HDAC9: variants seen among roughly 807,000 people sequenced by gnomAD.
The protein encoded by HDAC9 is MEF-2 interacting transcription repressor (MITR) protein.
HDAC9 carries 41 observed loss-of-function variants against 139.4 expected under a neutral mutation model. The ratio of observed to expected loss-of-function variants is 0.29; its 90% CI spans 0.23 to 0.38. The LOEUF (loss-of-function observed/expected upper bound fraction) is 0.38, where lower values mean the gene tolerates loss of function less well. HDAC9 is among the 10% of genes least tolerant of loss of function. The probability of loss-of-function intolerance (pLI) is 1.00; values close to 1 mark genes in which losing one functional copy is unlikely to be tolerated. For missense variants in HDAC9, 1,147 were observed against 1,297.0 expected, an observed-to-expected ratio of 0.88 and a Z score of 1.78; for synonymous variants, 517 against 476.2, an observed-to-expected ratio of 1.09 and a Z score of -1.12.
chr7:18,876,656 A>AT (rs1052080973), intron 22 of HDAC9, among the ~76,000 whole-genome samples: 2 of 151,526 alleles, frequency 1.3e-5, no homozygotes, highest in East Asian at 1.9e-4. Flanking sequence ...CATTTTCTGT[A>AT]TTTTTTCCAT....
chr7:18,240,015 T>A (rs890512316), intron 2 of HDAC9, among the ~76,000 whole-genome samples: 5 of 150,464 alleles, frequency 3.3e-5, no homozygotes, highest in African/African-American at 1.2e-4. Flanking sequence ...AAAACTTCGG[T>A]GTTTCTAAAG....
chr7:18,615,924 TGC>T, intron 6 of HDAC9, among the ~76,000 whole-genome samples: 1 of 152,222 alleles, frequency 6.6e-6, no homozygotes, highest in Non-Finnish European at 1.5e-5. Context: ...AAAATGGCTT[TGC>T]CTGGGCTAAA....
chr7:18,143,647 G>C (rs540442285), intron 1 of HDAC9, among the ~76,000 whole-genome samples: 4 of 152,114 alleles, frequency 2.6e-5, no homozygotes, highest in Admixed American at 6.5e-5. Context: ...TTAGCTAGGC[G>C]TGGTGGCGGG....
intron 2 of HDAC9, among the ~76,000 whole-genome samples, chr7:18,195,365 T>C (rs1790651379): frequency 6.6e-6 from 1 of 152,184 alleles, no homozygotes; most frequent in Non-Finnish European, 1.5e-5. Context: ...CTATCACCTT[T>C]AATGGGGTCT....
At chr7:18,932,522 A>G (rs1316088631) in intron 22 of HDAC9, among the ~76,000 whole-genome samples, 1 of 152,164 alleles carries the variant, frequency 6.6e-6, no homozygotes, top group Non-Finnish European at 1.5e-5. Context: ...TCTATACCAA[A>G]ATCTCCAATC....
At chr7:18,808,089 G>T (rs569821884) in intron 17 of HDAC9, 51 of 152,274 alleles carry the variant, frequency 3.3e-4, no homozygotes, top group African/African-American at 1.2e-3. Flanking sequence ...AGCTACTTGT[G>T]TACCCTTGAT....
chr7:18,439,085 CA>C (rs1791501833), intron 1 of HDAC9, among the ~76,000 whole-genome samples: 1 of 152,126 alleles, frequency 6.6e-6, no homozygotes, highest in Non-Finnish European at 1.5e-5. Context: ...TCCACTTAAG[CA>C]GTTAATTTAT....
chr7:18,302,497 C>A (rs759278964), intron 1 of HDAC9, among the ~76,000 whole-genome samples: 7 of 152,180 alleles, frequency 4.6e-5, no homozygotes, highest in Non-Finnish European at 1.0e-4. Flanking sequence ...TATTAGCTAC[C>A]TCAGTGATAT....
At chr7:18,298,280 G>GTTTTTT (rs869168141) in intron 1 of HDAC9, among the ~76,000 whole-genome samples, 1 of 144,708 alleles carries the variant, frequency 6.9e-6, no homozygotes, top group Non-Finnish European at 1.5e-5. Flanking sequence ...ACATTTTTAT[G>GTTTTTT]TTTTTTTTTT....
chr7:18,165,465 A>G (rs1787939152), intron 2 of HDAC9, among the ~76,000 whole-genome samples: 1 of 152,178 alleles, frequency 6.6e-6, no homozygotes, highest in Non-Finnish European at 1.5e-5. Flanking sequence ...TAATTCAGTT[A>G]TTTTGTTCTC....
At chr7:18,857,606 T>C (rs1186719256) in intron 21 of HDAC9, among the ~76,000 whole-genome samples, 1 of 152,082 alleles carries the variant, frequency 6.6e-6, no homozygotes, top group Non-Finnish European at 1.5e-5. Context: ...AATGAACGCA[T>C]CCCTTTGAAC....
chr7:18,344,934 A>G (rs749844335), intron 1 of HDAC9, among the ~76,000 whole-genome samples: 7 of 152,066 alleles, frequency 4.6e-5, no homozygotes, highest in Non-Finnish European at 8.8e-5. Context: ...CAAATCTTCT[A>G]TTAAAAAGTA....
intron 1 of HDAC9, among the ~76,000 whole-genome samples, chr7:18,486,664 G>C (rs902131708): frequency 6.6e-6 from 1 of 152,042 alleles, no homozygotes; most frequent in Non-Finnish European, 1.5e-5. Flanking sequence ...AAATTCTCTG[G>C]AATCTTGAAT....
At chr7:18,611,815 G>A (rs140930514) in intron 6 of HDAC9, among the ~76,000 whole-genome samples, 3 of 152,184 alleles carry the variant, frequency 2.0e-5, no homozygotes, top group African/African-American at 7.2e-5. Flanking sequence ...TTTAGAAATA[G>A]CATATGTTTG....
At chr7:18,679,869 G>A (rs764678126) in intron 12 of HDAC9, among the ~76,000 whole-genome samples, 1 of 151,748 alleles carries the variant, frequency 6.6e-6, no homozygotes, top group Non-Finnish European at 1.5e-5. Context: ...GTAAGCCATG[G>A]ATGTTCTGCA....
At chr7:18,567,132 G>A (rs1432640076) in intron 2 of HDAC9, among the ~76,000 whole-genome samples, 2 of 152,188 alleles carry the variant, frequency 1.3e-5, no homozygotes, top group African/African-American at 4.8e-5. Flanking sequence ...TTGGCTTTGA[G>A]TATGTCCTGC....
At chr7:18,878,193 T>C (rs1799464249) in intron 22 of HDAC9, among the ~76,000 whole-genome samples, 1 of 152,172 alleles carries the variant, frequency 6.6e-6, no homozygotes, top group African/African-American at 2.4e-5. Context: ...TAACATTTTT[T>C]TTTAAAAAAA....
chr7:18,615,892 C>T (rs1031410573), intron 6 of HDAC9, among the ~76,000 whole-genome samples: 6 of 152,178 alleles, frequency 3.9e-5, no homozygotes, highest in Admixed American at 6.5e-5. Context: ...TATTACTTTA[C>T]ACTGCTGGAG....
chr7:18,257,401 C>CCA (rs773964606), intron 2 of HDAC9, among the ~76,000 whole-genome samples: 9,282 of 130,788 alleles, frequency 0.071, 329 homozygotes, highest in Middle Eastern at 0.08. Context: ...TCTGTCTCTC[C>CCA]CACACACACA....
Sources: gnomAD v4.1 joint callset for allele counts (sites outside exome capture counted in the v4.1 genomes callset) on GRCh38, gnomAD v4.1.1 for gene constraint, MANE v1.5 for transcripts, NCBI Gene and HGNC (gene_info 2026-07-23, HGNC 2026-07-21) for gene names.